Variants in TBC1D20 observed in about 807,000 individuals in gnomAD.
TBC1D20 encodes the protein chromosome 20 open reading frame 140.
In TBC1D20, 12 loss-of-function variants were observed where a neutral mutation model predicts 41.6. The ratio of observed to expected loss-of-function variants is 0.29; its 90% CI spans 0.18 to 0.47. TBC1D20 has a LOEUF of 0.47. Among genes scored for constraint, TBC1D20 ranks in the 20% least tolerant of loss-of-function variants. The pLI, the probability that TBC1D20 is intolerant of heterozygous loss-of-function variation, is 1.00. For missense variants in TBC1D20, 421 were observed against 517.4 expected (o/e 0.81, Z 1.81); for synonymous variants, 205 against 204.8 (o/e 1.00, Z -0.01).
intron 3 of TBC1D20, among the ~76,000 whole-genome samples, chr20:443,847 A>C (rs1456519211): frequency 1.3e-5 from 2 of 152,086 alleles, no homozygotes; most frequent in Non-Finnish European, 2.9e-5. Flanking sequence ...CTAGGAAAAA[A>C]TGGGGGTGGC....
chr20:461,661 C>T (rs528166759), intron 1 of TBC1D20, among the ~76,000 whole-genome samples: 1 of 152,328 alleles, frequency 6.6e-6, no homozygotes, highest in Admixed American at 6.5e-5. Context: ...GGTGCCCGGC[C>T]GCTTTTACAC....
At chr20:441,434 AC>A in intron 5 of TBC1D20, 153 bp downstream of exon 5, 1 of 656,938 alleles carries the variant, frequency 1.5e-6, no homozygotes, top group Admixed American at 2.5e-5. Context: ...GAACTGAATT[AC>A]CCAGATTGCT....
At chr20:445,169 A>C in intron 2 of TBC1D20, 39 bp from the exon 3 acceptor site, 9 of 1,516,384 alleles carry the variant, frequency 5.9e-6, no homozygotes, top group Non-Finnish European at 8.1e-6. Context: ...GGAATGCCTG[A>C]GAAGCCAGAC....
Position 441,540 on chromosome 20 carries a change from G to A in TBC1D20, c.626+48C>T, listed in dbSNP as rs74535328. On this transcript the variant is annotated intron_variant, in intron 5 of 7. Transcript: ENST00000354200. ...TGAGGAGTGTTTCAGGTGTGGGGGG[G>A]TGTGGGCGTGTGTATGCATGCACAC... 5 of 1,474,432 alleles carry A rather than the reference G, an allele frequency of 3.4e-6. No homozygotes were observed. The South Asian group carries it at 5.7e-5, about 17-fold the overall frequency. 91.3% of individuals were successfully genotyped at this position (1,474,432 alleles called of 1,614,324 possible).
chr20:462,291 G>T, intron 1 of TBC1D20, 45 bp downstream of exon 1: 1 of 1,239,402 alleles, frequency 8.1e-7, no homozygotes, highest in Non-Finnish European at 1.0e-6. Flanking sequence ...TGCCCCCCGG[G>T]CCGCCCTCGC....
At chr20:458,222 T>C (rs1190927038) in intron 1 of TBC1D20, among the ~76,000 whole-genome samples, 1 of 152,186 alleles carries the variant, frequency 6.6e-6, no homozygotes, top group Non-Finnish European at 1.5e-5. Context: ...CATGAGGTTT[T>C]GGCAAACCAT....
Position 453,712 on chromosome 20 carries a change from A to AT in TBC1D20, c.71-5639dup, listed in dbSNP as rs1257120813. Among the ~76,000 whole-genome samples, 126 of 136,962 alleles carry AT rather than the reference A, an allele frequency of 9.2e-4. 2 individuals carry two copies. The highest frequency in any genetic ancestry group is 2.4e-3 in the East Asian group (11 of 4,614). The allele number at this position is 136,962 out of a possible 152,430, so 89.9% of individuals were successfully genotyped here. A position where few individuals can be genotyped will look rare whatever the true frequency, so the allele number is the denominator to read the frequency against. The stretch of plus-strand genomic sequence containing the variant: ...GGGCACGTGCCACCATGCCTGGCTA[A>AT]TTTTTTTTTTTGTATTTTTAGTAGA... On this transcript the variant is annotated intron_variant, in intron 1 of 7. Coordinates refer to ENST00000354200, the MANE Select transcript of TBC1D20 (RefSeq NM_144628.4).
rs2017201688 is a variant in TBC1D20 at position 440,244 on chromosome 20, C to A, written c.768+4G>T. The A allele has an allele frequency of 6.2e-7, 1 of 1,611,142 alleles. No individual in the cohort carries two copies. Among genetic ancestry groups the A allele is most frequent in the African/African-American group, 1.3e-5 (1 of 74,858 alleles). On this transcript the variant is annotated splice_donor_region_variant and intron_variant, in intron 6 of 7. Coordinates refer to ENST00000354200, the MANE Select transcript of TBC1D20 (RefSeq NM_144628.4). ...CCAGCTGCTGGCTCGTGGCCTGTAC[C>A]TACCACGGCTGCAAAGTAAATCGGC...
chr20:460,150 A>C (rs138234849), intron 1 of TBC1D20, among the ~76,000 whole-genome samples: 13 of 152,320 alleles, frequency 8.5e-5, no homozygotes, highest in African/African-American at 2.9e-4. Flanking sequence ...AAGGCTTTAC[A>C]GTCTTTAAAC....
At chr20:440,801 G>A (rs2017213749) in intron 5 of TBC1D20, 1 of 161,098 alleles carries the variant, frequency 6.2e-6, no homozygotes, top group Admixed American at 6.1e-5. Flanking sequence ...AATATCTTAA[G>A]ATGTAGCTGC....
At chr20:459,826 A>G (rs920181391) in intron 1 of TBC1D20, among the ~76,000 whole-genome samples, 32 of 152,268 alleles carry the variant, frequency 2.1e-4, no homozygotes, top group East Asian at 1.4e-3. Context: ...TTAATGGTTC[A>G]GATAAAGATG....
In TBC1D20 at chr20:450,814, G is replaced by C. The variant is rs1023597483; in HGVS notation, c.71-2740C>G. ...GAAATTGGTTGGGAATTTGTGGTTA[G>C]TAGCTATCATATCATTTTTCTATGT... On this transcript the variant is annotated intron_variant, in intron 1 of 7. Transcript: ENST00000354200. The C allele has an allele frequency of 2.0e-5, 3 of 152,106 alleles. 1 individual carries two copies. Among genetic ancestry groups the C allele is most frequent in the Non-Finnish European group, 4.4e-5 (3 of 68,028 alleles). The allele number at this position is 152,106 out of a possible 1,614,324, so 9.4% of individuals were successfully genotyped here.
Position 437,269 on chromosome 20 carries a change from G to T in TBC1D20, c.*1317C>A, listed in dbSNP as rs2122375939. The T allele has an allele frequency of 6.5e-6, 1 of 152,812 alleles. No individual in the cohort carries two copies. The highest frequency in any genetic ancestry group is 1.5e-5 in the Non-Finnish European group (1 of 68,120). The allele number at this position is 152,812 out of a possible 1,614,324, so 9.5% of individuals were successfully genotyped here. A position where few individuals can be genotyped will look rare whatever the true frequency, so the allele number is the denominator to read the frequency against. On this transcript the variant is annotated 3_prime_UTR_variant, in exon 8 of 8. Transcript: ENST00000354200. Reference sequence around the variant, plus strand: ...GGATATGGTGGGGTAGAGTGCTTCTGGTGTGTTCACTTTAAGAAAACATCT... The same window carrying T: ...GGATATGGTGGGGTAGAGTGCTTCTTGTGTGTTCACTTTAAGAAAACATCT...
rs532969449 is a variant in TBC1D20, at chr20:447,962, C to G, written c.183G>C (p.Leu61=). ...ACACTTTTCGTCTGATCTCATCAGT[C>G]AGGAGCCCTCCTTCACTGATAGCCA... is the stretch of plus-strand genomic sequence containing the variant. The part of the protein sequence containing the change: ...RRMAISEGGL[L]TDEIRRKVWP... The change falls in exon 2 of 8, where the codon CTG becomes CTC. Residue 61 remains leucine (L), a synonymous_variant. Transcript: ENST00000354200. 1.9e-6 allele frequency: 3 copies of G among 1,614,176 alleles called. No homozygotes were observed. In the African/African-American group the frequency reaches 4.0e-5, roughly 22 times the overall value.
chr20:452,288 G>A (rs1056136561), intron 1 of TBC1D20, among the ~76,000 whole-genome samples: 4 of 151,964 alleles, frequency 2.6e-5, no homozygotes, highest in South Asian at 4.2e-4. Context: ...GCCTGGGCGC[G>A]ACATAGCGAG....
chr20:453,009 C>A (rs1171706154), intron 1 of TBC1D20, among the ~76,000 whole-genome samples: 1 of 151,110 alleles, frequency 6.6e-6, no homozygotes, highest in South Asian at 2.1e-4. Context: ...ATTAGCCGGG[C>A]GTGGTGGCAC....
At chr20:449,262 C>T (rs1346455857) in intron 1 of TBC1D20, among the ~76,000 whole-genome samples, 2 of 120,722 alleles carry the variant, frequency 1.7e-5, no homozygotes, top group African/African-American at 6.7e-5. Context: ...AAGTGATTCT[C>T]CTGTCTCAGC....
chr20:449,012 A>G (rs2017391703), intron 1 of TBC1D20, among the ~76,000 whole-genome samples: 1 of 149,490 alleles, frequency 6.7e-6, no homozygotes, highest in Admixed American at 6.7e-5. Flanking sequence ...ATGCCCAGCT[A>G]TATTTTTGTA....
chr20:442,859 A>T (rs1371708031), intron 3 of TBC1D20, among the ~76,000 whole-genome samples: 6 of 152,236 alleles, frequency 3.9e-5, no homozygotes, highest in African/African-American at 1.4e-4. Context: ...GCACTTTGGG[A>T]GGCAGAGGCA....
Sources: allele counts gnomAD v4.1 joint callset (sites outside exome capture counted in the v4.1 genomes callset), GRCh38; gene constraint gnomAD v4.1.1; transcripts MANE v1.5; gene names NCBI Gene and HGNC (gene_info 2026-07-23, HGNC 2026-07-21).